The following GRIA1 variants were observed in gnomAD, a reference collection of about 807,000 sequenced individuals.
GRIA1 encodes glutamate receptor 1.
A neutral mutation model predicts 99.2 loss-of-function variants in GRIA1; 31 were observed. The observed-to-expected ratio is 0.31, with a 90% CI of 0.23 to 0.42. GRIA1 has a LOEUF of 0.42. Among genes scored for constraint, GRIA1 ranks in the 10% least tolerant of loss-of-function variants. GRIA1 has a pLI of 1.00. For synonymous variants in GRIA1, 438 were observed against 432.4 expected (o/e 1.01, Z -0.16); for missense variants, 782 against 1,157.5 (o/e 0.68, Z 4.71).
At chr5:153,683,476 G>A (rs941356517) in intron 7 of GRIA1, among the ~76,000 whole-genome samples, 8 of 152,080 alleles carry the variant, frequency 5.3e-5, no homozygotes, top group South Asian at 2.1e-4. Flanking sequence ...GCAAAATAAC[G>A]TCTGCTCTGG....
chr5:153,637,787 C>T (rs951636194), intron 2 of GRIA1, among the ~76,000 whole-genome samples: 30 of 152,040 alleles, frequency 2.0e-4, no homozygotes, highest in African/African-American at 2.7e-4. Flanking sequence ...GGGAGTATTA[C>T]GTATCTTCCA....
At chr5:153,750,133 A>G (rs1762416370) in intron 11 of GRIA1, among the ~76,000 whole-genome samples, 1 of 152,176 alleles carries the variant, frequency 6.6e-6, no homozygotes, top group Non-Finnish European at 1.5e-5. Flanking sequence ...CAGACGCAGC[A>G]TCTTGGATGA....
intron 13 of GRIA1, among the ~76,000 whole-genome samples, chr5:153,772,790 T>A (rs944576248): frequency 1.3e-5 from 2 of 152,140 alleles, no homozygotes; most frequent in Non-Finnish European, 2.9e-5. Context: ...AGACTCAAAG[T>A]AGAGAGTGAG....
chr5:153,705,652 G>A (rs1758832605), intron 10 of GRIA1, 45 bp from the exon 11 acceptor site: 1 of 1,278,182 alleles, frequency 7.8e-7, no homozygotes, highest in Non-Finnish European at 1.0e-6. Context: ...GGGCTGCTGA[G>A]CTCACCTGCA....
At chr5:153,677,212 C>T (rs752606801) in intron 7 of GRIA1, 51 bp downstream of exon 7, 1 of 1,323,400 alleles carries the variant, frequency 7.6e-7, no homozygotes, top group South Asian at 2.4e-5. Context: ...TGGGGGATTT[C>T]AGCATCAAAT....
At chr5:153,767,042 T>C (rs901972023) in intron 12 of GRIA1, among the ~76,000 whole-genome samples, 1 of 152,142 alleles carries the variant, frequency 6.6e-6, no homozygotes, top group Non-Finnish European at 1.5e-5. Context: ...CTGGGCTTGA[T>C]GTGAAAGGAT....
At chr5:153,563,174 CAAA>C (rs1167715880) in intron 2 of GRIA1, among the ~76,000 whole-genome samples, 6 of 89,384 alleles carry the variant, frequency 6.7e-5, no homozygotes, top group Admixed American at 2.5e-4. Context: ...GACTCTGTCT[CAAA>C]AAAAAAAAAA....
chr5:153,776,857 A>G (rs1407817325), intron 13 of GRIA1, among the ~76,000 whole-genome samples: 2 of 152,200 alleles, frequency 1.3e-5, no homozygotes, highest in African/African-American at 2.4e-5. Context: ...TACTGGGACG[A>G]TAAAACATGC....
chr5:153,613,031 A>C (rs1766140292), intron 2 of GRIA1, among the ~76,000 whole-genome samples: 1 of 152,142 alleles, frequency 6.6e-6, no homozygotes, highest in Non-Finnish European at 1.5e-5. Context: ...AGAAGTGCTC[A>C]AGTTCCTCTG....
intron 5 of GRIA1, among the ~76,000 whole-genome samples, chr5:153,671,464 C>T (rs560813267): frequency 6.6e-5 from 10 of 152,296 alleles, no homozygotes; most frequent in East Asian, 1.9e-4. Context: ...GATGGTATAA[C>T]GTCTTGGAAT....
intron 10 of GRIA1, among the ~76,000 whole-genome samples, chr5:153,702,753 C>T (rs962340153): frequency 6.6e-6 from 1 of 152,174 alleles, no homozygotes; most frequent in Admixed American, 6.5e-5. Flanking sequence ...GATTCTGCTG[C>T]ACACTCAAGT....
intron 5 of GRIA1, among the ~76,000 whole-genome samples, chr5:153,672,253 C>A (rs1289432533): frequency 6.6e-6 from 1 of 152,204 alleles, no homozygotes; most frequent in Non-Finnish European, 1.5e-5. Context: ...TGATTGAAAG[C>A]TGCTTCTGGG....
chr5:153,527,695 T>G (rs1757729610), intron 2 of GRIA1, among the ~76,000 whole-genome samples: 1 of 152,192 alleles, frequency 6.6e-6, no homozygotes. Flanking sequence ...ACATCAGAAA[T>G]ATTCCAAAAA....
intron 15 of GRIA1, among the ~76,000 whole-genome samples, chr5:153,808,050 G>A (rs1027885493): frequency 9.9e-5 from 15 of 152,236 alleles, no homozygotes; most frequent in Admixed American, 2.6e-4. Context: ...TGCTTTGCAC[G>A]CCTGCCTGAG....
At chr5:153,720,824 A>G (rs973618804) in intron 11 of GRIA1, among the ~76,000 whole-genome samples, 1 of 152,212 alleles carries the variant, frequency 6.6e-6, no homozygotes, top group African/African-American at 2.4e-5. Context: ...CCAGTTCTGT[A>G]TTCTCCTTAG....
chr5:153,510,319 C>CT (rs902708605), intron 2 of GRIA1, among the ~76,000 whole-genome samples: 23 of 151,282 alleles, frequency 1.5e-4, no homozygotes, highest in Admixed American at 3.3e-4. Flanking sequence ...CAGAACCTGA[C>CT]TTTTTTTTTG....
intron 14 of GRIA1, among the ~76,000 whole-genome samples, chr5:153,797,627 C>T (rs1465386260): frequency 2.6e-5 from 4 of 152,178 alleles, no homozygotes; most frequent in African/African-American, 9.6e-5. Context: ...TTGAAGAGGC[C>T]TCAGCCTTAG....
chr5:153,785,776 C>T (rs905360624), intron 13 of GRIA1, among the ~76,000 whole-genome samples: 1 of 152,202 alleles, frequency 6.6e-6, no homozygotes, highest in Non-Finnish European at 1.5e-5. Flanking sequence ...TCCTGACAAA[C>T]AGTTGTCCCA....
intron 13 of GRIA1, among the ~76,000 whole-genome samples, chr5:153,777,861 G>A (rs1185851653): frequency 6.6e-6 from 1 of 152,178 alleles, no homozygotes; most frequent in Non-Finnish European, 1.5e-5. Flanking sequence ...TGCAGAGCCT[G>A]CTGCTGCTGA....
Sources: gnomAD v4.1 joint callset for allele counts (sites outside exome capture counted in the v4.1 genomes callset) on GRCh38, gnomAD v4.1.1 for gene constraint, MANE v1.5 for transcripts, NCBI Gene and HGNC (gene_info 2026-07-23, HGNC 2026-07-21) for gene names.